MTUS1: variants seen among roughly 807,000 people sequenced by gnomAD.
The protein encoded by MTUS1 is microtubule-associated tumor suppressor 1.
In MTUS1, 109 loss-of-function variants were observed where a neutral mutation model predicts 120.8. The ratio of observed to expected loss-of-function variants is 0.90; its 90% CI spans 0.77 to 1.06. The LOEUF is 1.06. Ranked by LOEUF, MTUS1 falls within the 50% of genes least tolerant of loss-of-function variation. MTUS1 has a pLI of 0.00. For missense variants in MTUS1, 2,210 were observed against 1,486.3 expected, an observed-to-expected ratio of 1.49 and a Z score of -8.01; for synonymous variants, 737 against 550.5, an observed-to-expected ratio of 1.34 and a Z score of -4.74.
Position 17,659,127 on chromosome 8 carries a change from G to A in MTUS1, c.2906-3062C>T, listed in dbSNP as rs140865134. 1.5e-3 allele frequency among the ~76,000 whole-genome samples: 226 copies of A among 152,282 alleles called. 1 individual carries two copies. The highest frequency in any genetic ancestry group is 4.3e-3 in the African/African-American group (179 of 41,556). ...CTGCCCAGGGGCACAGAGCTGGCAA[G>A]CGTGAGAGGATGGGTTTCGGTGAGC... is the stretch of plus-strand genomic sequence containing the variant. On this transcript the variant is annotated intron_variant, in intron 8 of 14. Coordinates refer to ENST00000693296, the MANE Select transcript of MTUS1 (RefSeq NM_001363059.2).
intron 2 of MTUS1, among the ~76,000 whole-genome samples, chr8:17,752,935 A>C (rs1156439527): frequency 6.6e-6 from 1 of 152,204 alleles, no homozygotes; most frequent in African/African-American, 2.4e-5. Flanking sequence ...TCTACACACT[A>C]TTCTCAAAAA....
chr8:17,689,867 A>G (rs1232145978), intron 6 of MTUS1, among the ~76,000 whole-genome samples: 1 of 150,570 alleles, frequency 6.6e-6, no homozygotes, highest in Non-Finnish European at 1.5e-5. Context: ...CATATGCAAA[A>G]ATTAAGACAG....
intron 2 of MTUS1, chr8:17,748,084 A>C (rs2047908300): frequency 1.3e-5 from 2 of 152,158 alleles, no homozygotes; most frequent in South Asian, 2.1e-4. Context: ...ACACAGCCAA[A>C]TCATATCAAC....
chr8:17,674,333 T>C (rs977861206), intron 8 of MTUS1: 11 of 306,450 alleles, frequency 3.6e-5, no homozygotes, highest in African/African-American at 6.8e-5. Context: ...GGCAGGAGAA[T>C]TGCTTGAACC....
At chr8:17,667,656 G>A (rs912851432) in intron 8 of MTUS1, among the ~76,000 whole-genome samples, 3 of 152,196 alleles carry the variant, frequency 2.0e-5, no homozygotes, top group African/African-American at 7.2e-5. Context: ...CAATGCAAAC[G>A]AGCGTTTATT....
At chr8:17,667,247 T>C (rs1585532473) in intron 8 of MTUS1, among the ~76,000 whole-genome samples, 1 of 152,350 alleles carries the variant, frequency 6.6e-6, no homozygotes, top group East Asian at 1.9e-4. Flanking sequence ...CAACTCAGTC[T>C]TCAAACAAGT....
At chr8:17,667,303 A>T (rs6984355) in intron 8 of MTUS1, among the ~76,000 whole-genome samples, 1 of 152,042 alleles carries the variant, frequency 6.6e-6, no homozygotes, top group Admixed American at 6.5e-5. Flanking sequence ...GGTTTTCAGT[A>T]TATTAATAGA....
At chr8:17,774,910 T>C (rs997711498) in intron 1 of MTUS1, among the ~76,000 whole-genome samples, 1 of 93,006 alleles carries the variant, frequency 1.1e-5, no homozygotes, top group South Asian at 3.0e-4. Context: ...TATTCAGCCA[T>C]AAAAAAGAAT....
At chr8:17,647,783 C>G (rs1363968028) in intron 13 of MTUS1, among the ~76,000 whole-genome samples, 1 of 152,178 alleles carries the variant, frequency 6.6e-6, no homozygotes, top group African/African-American at 2.4e-5. Context: ...AATCACTTAA[C>G]ATGATGAAGA....
intron 2 of MTUS1, among the ~76,000 whole-genome samples, chr8:17,750,747 A>G (rs1302079626): frequency 6.6e-6 from 1 of 152,228 alleles, no homozygotes; most frequent in African/African-American, 2.4e-5. Context: ...AAAGTGCCTG[A>G]CCCAGAGCAA....
chr8:17,746,314 T>C (rs1199599732), intron 2 of MTUS1, among the ~76,000 whole-genome samples: 1 of 152,184 alleles, frequency 6.6e-6, no homozygotes, highest in Non-Finnish European at 1.5e-5. Context: ...ACCTAACTTC[T>C]TTCTATACAT....
intron 1 of MTUS1, chr8:17,770,419 G>A (rs987464032): frequency 3.3e-5 from 5 of 152,150 alleles, no homozygotes; most frequent in African/African-American, 1.2e-4. Context: ...ACCATACCAA[G>A]CTAACTTACC....
chr8:17,676,289 C>T (rs1342953711), intron 7 of MTUS1: 5 of 703,060 alleles, frequency 7.1e-6, no homozygotes, highest in Non-Finnish European at 1.3e-5. Context: ...TGTTGCTGCA[C>T]ATGGAGAATA....
At chr8:17,668,275 A>T (rs909738133) in intron 8 of MTUS1, among the ~76,000 whole-genome samples, 7 of 152,226 alleles carry the variant, frequency 4.6e-5, no homozygotes, top group African/African-American at 1.7e-4. Flanking sequence ...TATGTGTGGC[A>T]CTAGACAATT....
intron 1 of MTUS1, among the ~76,000 whole-genome samples, chr8:17,793,013 GATGTA>G (rs1298865879): frequency 6.6e-6 from 1 of 152,168 alleles, no homozygotes; most frequent in Non-Finnish European, 1.5e-5. Context: ...AATCTTATTA[GATGTA>G]ATGAGAAAAA....
chr8:17,702,606 C>T (rs1246967073), intron 6 of MTUS1, among the ~76,000 whole-genome samples: 3 of 152,186 alleles, frequency 2.0e-5, no homozygotes, highest in African/African-American at 7.2e-5. Context: ...TTAGATGCCT[C>T]CTATAAGTGG....
intron 1 of MTUS1, among the ~76,000 whole-genome samples, chr8:17,772,599 G>T (rs1332016178): frequency 1.3e-5 from 2 of 152,160 alleles, no homozygotes; most frequent in African/African-American, 4.8e-5. Context: ...AGTACATTCA[G>T]TACTCTAGTA....
At chr8:17,669,852 CA>C (rs56711683) in intron 8 of MTUS1, among the ~76,000 whole-genome samples, 6,333 of 151,650 alleles carry the variant, frequency 0.042, 446 homozygotes, top group African/African-American at 0.14. Context: ...TTCTAAAAAA[CA>C]AAAAAAACAA....
At chr8:17,746,951 A>G (rs1250122290) in intron 2 of MTUS1, among the ~76,000 whole-genome samples, 2 of 152,160 alleles carry the variant, frequency 1.3e-5, no homozygotes, top group Non-Finnish European at 2.9e-5. Context: ...AACTTCAACA[A>G]TGAAAGCTGT....
Sources: allele counts gnomAD v4.1 joint callset (sites outside exome capture counted in the v4.1 genomes callset), GRCh38; gene constraint gnomAD v4.1.1; transcripts MANE v1.5; gene names NCBI Gene and HGNC (gene_info 2026-07-23, HGNC 2026-07-21).